ULK4: variants seen among roughly 807,000 people sequenced by gnomAD.
The protein encoded by ULK4 is unc-51 like kinase 4.
In ULK4, 133 loss-of-function variants were observed where a neutral mutation model predicts 160.6. The observed-to-expected ratio is 0.83, with a 90% CI of 0.72 to 0.96. The LOEUF is 0.96. Ranked by LOEUF, ULK4 falls within the 40% of genes least tolerant of loss-of-function variation. ULK4 has a pLI of 0.00. For synonymous variants in ULK4, 534 were observed against 539.8 expected, an observed-to-expected ratio of 0.99 and a Z score of 0.15; for missense variants, 1,580 against 1,499.5, an observed-to-expected ratio of 1.05 and a Z score of -0.89.
chr3:41,911,489 ACT>A, intron 10 of ULK4, 50 bp downstream of exon 10: 2 of 1,584,838 alleles, frequency 1.3e-6, no homozygotes, highest in South Asian at 2.2e-5. Flanking sequence ...GAAATTAGGA[ACT>A]CTCTCAAACA....
At chr3:41,958,134 C>G (rs1700547113) in intron 1 of ULK4, among the ~76,000 whole-genome samples, 1 of 151,386 alleles carries the variant, frequency 6.6e-6, no homozygotes, top group African/African-American at 2.4e-5. Flanking sequence ...GAATTAAAAG[C>G]AGGGTCTCAG....
At chr3:41,600,660 G>A (rs892962433) in intron 31 of ULK4, among the ~76,000 whole-genome samples, 13 of 152,182 alleles carry the variant, frequency 8.5e-5, no homozygotes, top group African/African-American at 3.1e-4. Context: ...CTCCACATCA[G>A]AGAGGTGGCA....
chr3:41,918,702 G>A (rs557756741), intron 6 of ULK4, among the ~76,000 whole-genome samples, 162 bp from the exon 7 acceptor site: 6 of 147,064 alleles, frequency 4.1e-5, no homozygotes, highest in African/African-American at 1.3e-4. Flanking sequence ...CCTGGGTTCA[G>A]GCCACTCTCC....
At chr3:41,721,353 TATATA>T (rs1326174291) in intron 22 of ULK4, among the ~76,000 whole-genome samples, 3 of 66,370 alleles carry the variant, frequency 4.5e-5, no homozygotes, top group East Asian at 3.8e-4. Context: ...TATATATATA[TATATA>T]TATATTTTTT....
chr3:41,377,795 C>A (rs1441469009), intron 35 of ULK4, among the ~76,000 whole-genome samples: 1 of 147,838 alleles, frequency 6.8e-6, no homozygotes, highest in Non-Finnish European at 1.5e-5. Context: ...ACTAGTTCAA[C>A]CATTGTGGAA....
At chr3:41,879,992 T>C (rs969736755) in intron 17 of ULK4, among the ~76,000 whole-genome samples, 4 of 152,052 alleles carry the variant, frequency 2.6e-5, no homozygotes, top group Admixed American at 6.5e-5. Flanking sequence ...TGGTAGTGCA[T>C]GCCTGTAATC....
intron 16 of ULK4, among the ~76,000 whole-genome samples, chr3:41,884,652 C>G (rs948117861): frequency 6.6e-5 from 10 of 152,140 alleles, no homozygotes; most frequent in African/African-American, 2.4e-4. Flanking sequence ...CTAGGATAAT[C>G]AGTATGTACC....
intron 35 of ULK4, among the ~76,000 whole-genome samples, chr3:41,396,219 C>T (rs891161948): frequency 6.6e-6 from 1 of 152,028 alleles, no homozygotes; most frequent in African/African-American, 2.4e-5. Flanking sequence ...AATATTCATA[C>T]ATTTTGCCAC....
intron 31 of ULK4, among the ~76,000 whole-genome samples, chr3:41,594,201 C>T (rs1011325466): frequency 1.3e-5 from 2 of 152,050 alleles, no homozygotes; most frequent in Non-Finnish European, 2.9e-5. Context: ...ATCAGAAAAT[C>T]AAAATATGCA....
In ULK4 at chr3:41,643,665, G is replaced by A. The variant is rs191903289; in HGVS notation, c.3071+19942C>T. 9.5e-4 allele frequency among the ~76,000 whole-genome samples: 144 copies of A among 152,116 alleles called. 1 individual carries two copies. Among genetic ancestry groups the A allele is most frequent in the African/African-American group, 2.9e-3 (119 of 41,426 alleles). ...TGTTCTTTTGGCTTAGGATTGACTC[G>A]GTGATGCAGGCTCTTTTTTGGTTCC... On this transcript the variant is annotated intron_variant, in intron 30 of 36. Coordinates refer to ENST00000301831, the MANE Select transcript of ULK4 (RefSeq NM_017886.4).
chr3:41,562,806 C>A (rs916451474), intron 32 of ULK4, among the ~76,000 whole-genome samples: 1 of 152,238 alleles, frequency 6.6e-6, no homozygotes, highest in Non-Finnish European at 1.5e-5. Context: ...GGTCTTGATT[C>A]TTTATCCAAT....
At chr3:41,318,127 G>A (rs1451977589) in intron 35 of ULK4, among the ~76,000 whole-genome samples, 5 of 133,044 alleles carry the variant, frequency 3.8e-5, no homozygotes, top group Non-Finnish European at 8.2e-5. Flanking sequence ...CCTAATGGGG[G>A]AAATTATAGT....
intron 16 of ULK4, among the ~76,000 whole-genome samples, chr3:41,890,735 AAGGGACAGGAGGGACGGG>A (rs1559631699): frequency 2.2e-5 from 1 of 45,350 alleles, no homozygotes; most frequent in Non-Finnish European, 4.3e-5. Flanking sequence ...GGAGGGAAGG[AAGGGACAGGAGGGACGGG>A]AGGGACGGGA....
chr3:41,271,191 G>A (rs9825671), intron 35 of ULK4, among the ~76,000 whole-genome samples: 38,010 of 151,854 alleles, frequency 0.25, 7,066 homozygotes, highest in African/African-American at 0.52. Flanking sequence ...CCTCATGCCC[G>A]TTTGTAATCT....
At chr3:41,954,975 G>A (rs985261607) in intron 1 of ULK4, among the ~76,000 whole-genome samples, 168 bp from the exon 2 acceptor site, 6 of 152,194 alleles carry the variant, frequency 3.9e-5, no homozygotes, top group Non-Finnish European at 5.9e-5. Flanking sequence ...TTTGCAGGAT[G>A]AACGAAACTA....
At chr3:41,953,305 T>TA (rs1491089866) in intron 2 of ULK4, among the ~76,000 whole-genome samples, 2,839 of 91,542 alleles carry the variant, frequency 0.031, 83 homozygotes, top group African/African-American at 0.13. Context: ...TATATATATA[T>TA]TTTTTTTTTT....
chr3:41,754,508 A>C lies in ULK4; in HGVS notation c.2194-20T>G. The stretch of plus-strand genomic sequence containing the variant: ...AAAACCCTGTAGAAGACATTTAAAC[A>C]ATTTTTTGAGAGAACATAAAAAAAT... On this transcript the variant is annotated intron_variant, in intron 21 of 36. Transcript: ENST00000301831. 6.2e-7 allele frequency: 1 copy of C among 1,602,358 alleles called. No homozygotes were observed. Among genetic ancestry groups the C allele is most frequent in the Non-Finnish European group, 8.5e-7 (1 of 1,176,498 alleles).
At chr3:41,706,847 A>AATG (rs1559498671) in intron 25 of ULK4, among the ~76,000 whole-genome samples, 5 of 109,198 alleles carry the variant, frequency 4.6e-5, no homozygotes, top group South Asian at 2.6e-4. Flanking sequence ...AAAAAAAAAA[A>AATG]TATGTGTGTG....
intron 17 of ULK4, among the ~76,000 whole-genome samples, chr3:41,879,499 A>T (rs1411664609): frequency 6.8e-6 from 1 of 146,330 alleles, no homozygotes; most frequent in Admixed American, 6.8e-5. Flanking sequence ...TCCATAATTT[A>T]AAAAAAAAAA....
Sources: gnomAD v4.1 joint callset for allele counts (sites outside exome capture counted in the v4.1 genomes callset) on GRCh38, gnomAD v4.1.1 for gene constraint, MANE v1.5 for transcripts, NCBI Gene and HGNC (gene_info 2026-07-23, HGNC 2026-07-21) for gene names.